Variants in SPIRE2 observed in about 807,000 individuals in gnomAD.
The protein encoded by SPIRE2 is protein spire homolog 2.
SPIRE2 carries 76 observed loss-of-function variants against 80.7 expected under a neutral mutation model. The observed-to-expected ratio is 0.94, with a 90% CI of 0.78 to 1.14. The LOEUF (loss-of-function observed/expected upper bound fraction) is 1.14, where lower values mean the gene tolerates loss of function less well. SPIRE2 is among the 50% of genes most tolerant of loss of function. The pLI is 0.00. For missense variants in SPIRE2, 1,196 were observed against 1,015.3 expected (o/e 1.18, Z -2.42); for synonymous variants, 535 against 432.6 (o/e 1.24, Z -2.94).
chr16:89,859,053 C>T (rs1047989315), intron 8 of SPIRE2, 112 bp from the exon 9 acceptor site: 62 of 991,708 alleles, frequency 6.3e-5, no homozygotes, highest in Non-Finnish European at 8.4e-5. Context: ...GGAGGCTGCC[C>T]CACATCGCAG....
At chr16:89,833,469 C>T (rs1384977322) in intron 1 of SPIRE2, among the ~76,000 whole-genome samples, 1 of 152,238 alleles carries the variant, frequency 6.6e-6, no homozygotes, top group Non-Finnish European at 1.5e-5. Context: ...TGAGAAGACT[C>T]AAGTCCACAA....
chr16:89,843,680 T>G lies in SPIRE2; in HGVS notation c.245-1642T>G, dbSNP rs202225057. On this transcript the variant is annotated intron_variant, in intron 1 of 14. Coordinates refer to ENST00000378247, the MANE Select transcript of SPIRE2 (RefSeq NM_032451.2). Reference sequence around the variant, plus strand: ...CCTTGCTGCCACGTTTTTTTTTTTTTGTTTGTTTTTGTTTTTTGTTTTTTT... The same window carrying G: ...CCTTGCTGCCACGTTTTTTTTTTTTGGTTTGTTTTTGTTTTTTGTTTTTTT... Among the ~76,000 whole-genome samples the G allele has an allele frequency of 8.7e-3, 198 of 22,762 alleles. 7 individuals carry two copies. Among genetic ancestry groups the G allele is most frequent in the African/African-American group, 0.015 (57 of 3,706 alleles). 14.9% of individuals were successfully genotyped at this position (22,762 alleles called of 152,430 possible). A position where few individuals can be genotyped will look rare whatever the true frequency, so the allele number is the denominator to read the frequency against.
chr16:89,867,306 GC>G (rs71137684), intron 12 of SPIRE2, among the ~76,000 whole-genome samples: 19,855 of 151,612 alleles, frequency 0.13, 1,669 homozygotes, highest in South Asian at 0.19. Flanking sequence ...ACCATGCCCG[GC>G]TAATTTTTTG....
chr16:89,863,953 G>C lies in SPIRE2; in HGVS notation c.1778+92G>C. ...GCCCACAGAACTTCCTGTGATTCCA[G>C]GAATGTTCTAGCATGTTCGATGGCT... On this transcript the variant is annotated intron_variant, in intron 12 of 14. Transcript: ENST00000378247. This position sits in a 1 kb window ranked among gnomAD's most constrained non-coding sequence, Gnocchi z 4.3. The C allele has an allele frequency of 1.0e-6, 1 of 956,090 alleles. No individual in the cohort carries two copies. Among genetic ancestry groups the C allele is most frequent in the Non-Finnish European group, 1.6e-6 (1 of 614,434 alleles). 59.2% of individuals were successfully genotyped at this position (956,090 alleles called of 1,614,324 possible).
chr16:89,854,930 G>A (rs1276711717), intron 5 of SPIRE2, among the ~76,000 whole-genome samples: 1 of 136,646 alleles, frequency 7.3e-6, no homozygotes, highest in African/African-American at 2.8e-5. Context: ...CAAGAGCCAA[G>A]GCTGTAGGAT....
In SPIRE2 at chr16:89,859,155, G is replaced by A; in HGVS notation, c.1273-10G>A. ...TTGTCAGGGCAGGGCCGCGTCTGGT[G>A]TGTCCACAGGAAGAAGAGTCTCCGT... On this transcript the variant is annotated splice_polypyrimidine_tract_variant and intron_variant, in intron 8 of 14. Coordinates refer to ENST00000378247, the MANE Select transcript of SPIRE2 (RefSeq NM_032451.2). The A allele has an allele frequency of 1.3e-6, 2 of 1,553,838 alleles. No homozygotes were observed. The highest frequency in any genetic ancestry group is 1.7e-6 in the Non-Finnish European group (2 of 1,144,120).
chr16:89,837,125 G>A (rs1187617233), intron 1 of SPIRE2, among the ~76,000 whole-genome samples: 1 of 152,128 alleles, frequency 6.6e-6, no homozygotes, highest in Admixed American at 6.5e-5. Flanking sequence ...CTTCTCCCTC[G>A]AGCAGGACTC....
intron 9 of SPIRE2, among the ~76,000 whole-genome samples, chr16:89,859,877 A>T (rs1329982459): frequency 6.6e-6 from 1 of 151,966 alleles, no homozygotes; most frequent in African/African-American, 2.4e-5. Context: ...TCTCCCCACC[A>T]CCACATCCCA....
rs534694626 is a variant in SPIRE2 at position 89,869,470 on chromosome 16, C to T, written c.1807-97C>T. The T allele has an allele frequency of 2.4e-4, 185 of 781,230 alleles. 3 individuals are homozygous for T. Among genetic ancestry groups the T allele is most frequent in the South Asian group, 2.3e-3 (154 of 66,762 alleles). 48.4% of individuals were successfully genotyped at this position (781,230 alleles called of 1,614,324 possible). A position where few individuals can be genotyped will look rare whatever the true frequency, so the allele number is the denominator to read the frequency against. On this transcript the variant is annotated intron_variant, in intron 13 of 14. Coordinates refer to ENST00000378247, the MANE Select transcript of SPIRE2 (RefSeq NM_032451.2). ...ATTCTCCAGGAAGCCCTGGCTGCCA[C>T]GCAGGTCCCAGACTGGGGAGGGAGG...
At chr16:89,855,406 T>C (rs1050332805) in intron 5 of SPIRE2, among the ~76,000 whole-genome samples, 194 bp from the exon 6 acceptor site, 1 of 152,098 alleles carries the variant, frequency 6.6e-6, no homozygotes. Flanking sequence ...CCATGGATGC[T>C]GTGGCCGCCC....
intron 13 of SPIRE2, among the ~76,000 whole-genome samples, chr16:89,869,053 A>AAAAAAAAAAATATATATATATATATATAT: frequency 8.3e-5 from 2 of 24,030 alleles, no homozygotes; most frequent in African/African-American, 3.3e-4. Flanking sequence ...AAAAAAAAAA[A>AAAAAAAAAAATATATATATATATATATAT]ATATATATAT....
chr16:89,841,971 G>T (rs1465178784), intron 1 of SPIRE2, among the ~76,000 whole-genome samples: 4 of 151,702 alleles, frequency 2.6e-5, no homozygotes, highest in East Asian at 3.9e-4. Flanking sequence ...CAGGTGATCC[G>T]CCTACCTCAG....
chr16:89,861,374 G>C (rs901199076), intron 10 of SPIRE2, among the ~76,000 whole-genome samples: 2 of 152,170 alleles, frequency 1.3e-5, no homozygotes, highest in Admixed American at 1.3e-4. Flanking sequence ...CACTATTTGA[G>C]GTTTTATCCA....
At chr16:89,850,234 C>A in intron 2 of SPIRE2, 70 bp from the exon 3 acceptor site, 1 of 1,385,744 alleles carries the variant, frequency 7.2e-7, no homozygotes, top group Non-Finnish European at 1.0e-6. Flanking sequence ...GCCCTCTGCA[C>A]CCACCAGCCG....
In SPIRE2 at chr16:89,870,072, C is replaced by A; in HGVS notation, c.1945C>A (p.Gln649Lys). The change falls in exon 15 of 15, where the codon CAG becomes AAG. Residue 649 changes from glutamine to lysine, a missense_variant. Physicochemically the swap from Gln to Lys is moderately conservative, Grantham distance 53. Transcript: ENST00000378247. ...IFQSLQGPQW[Q>K]SVEEAFPHIY... ...CAGGTCTCTGCAAGGGCCACAGTGG[C>A]AGAGCGTGGAGGAGGCGTTCCCCCA... 6.2e-7 allele frequency: 1 copy of A among 1,613,042 alleles called. No homozygotes were observed. Among genetic ancestry groups the A allele is most frequent in the Non-Finnish European group, 8.5e-7 (1 of 1,179,868 alleles).
At chr16:89,831,968 G>A (rs372722520) in intron 1 of SPIRE2, among the ~76,000 whole-genome samples, 2 of 139,284 alleles carry the variant, frequency 1.4e-5, no homozygotes, top group African/African-American at 2.5e-5. Context: ...TAGGCAGCAC[G>A]GGGCACCGTG....
rs1282361195 is a variant in SPIRE2 at position 89,863,826 on chromosome 16, G to A, written c.1743G>A (p.Leu581=). 2.5e-6 allele frequency: 4 copies of A among 1,614,104 alleles called. No individual in the cohort carries two copies. The South Asian group carries it at 4.4e-5, about 18-fold the overall frequency. Residue 581 remains leucine (L), a synonymous_variant, in exon 12 of 15, where the codon CTG becomes CTA. Transcript: ENST00000378247. The surrounding 1 kb of genome is among the most constrained non-coding windows in gnomAD (Gnocchi z 4.3). The stretch of plus-strand genomic sequence containing the variant: ...GCTGCTGCCGGGCCAAGTTCCCGCT[G>A]TTCTCGTGGCCGCCCAGCTGTCTCT... ...ICCCCRAKFP[L]FSWPPSCLFC...
intron 7 of SPIRE2, among the ~76,000 whole-genome samples, chr16:89,857,641 G>C (rs2041703188): frequency 6.6e-6 from 1 of 151,140 alleles, no homozygotes; most frequent in Non-Finnish European, 1.5e-5. Flanking sequence ...CGCTATCTCA[G>C]CTCACTGCAA....
chr16:89,831,488 A>C (rs7198386), intron 1 of SPIRE2, among the ~76,000 whole-genome samples: 74,788 of 145,942 alleles, frequency 0.51, 20,752 homozygotes, highest in East Asian at 0.73. Context: ...AGCTTCGCCT[A>C]CTGGGTTCAC....
Sources: allele counts gnomAD v4.1 joint callset (sites outside exome capture counted in the v4.1 genomes callset), GRCh38; gene constraint gnomAD v4.1.1; non-coding constraint Gnocchi (gnomAD v3.1); transcripts MANE v1.5; gene names NCBI Gene and HGNC (gene_info 2026-07-23, HGNC 2026-07-21).